Variants in TOGARAM2 observed in about 807,000 individuals in gnomAD.
The protein encoded by TOGARAM2 is TOG array regulator of axonemal microtubules protein 2.
In TOGARAM2, 85 loss-of-function variants were observed where a neutral mutation model predicts 93.3. The ratio of observed to expected loss-of-function variants is 0.91; its 90% CI spans 0.76 to 1.09. The LOEUF (loss-of-function observed/expected upper bound fraction) is 1.09, where lower values mean the gene tolerates loss of function less well. TOGARAM2 is among the 50% of genes least tolerant of loss of function. TOGARAM2 has a pLI of 0.00. For missense variants in TOGARAM2, 1,277 were observed against 1,334.5 expected, an observed-to-expected ratio of 0.96 and a Z score of 0.67; for synonymous variants, 593 against 552.8, an observed-to-expected ratio of 1.07 and a Z score of -1.02.
Position 29,026,850 on chromosome 2 carries a change from C to A in TOGARAM2, c.1854-3C>A. The A allele has an allele frequency of 1.3e-6, 2 of 1,581,296 alleles. No homozygotes were observed. The highest frequency in any genetic ancestry group is 1.7e-6 in the Non-Finnish European group (2 of 1,161,548). ...TGACCCCTGGGCCATGATTTCCTTT[C>A]AGCCACCGGAACCCCTTGATCCGGA... On this transcript the variant is annotated splice_polypyrimidine_tract_variant and splice_region_variant and intron_variant, in intron 13 of 19. Coordinates refer to ENST00000379558, the MANE Select transcript of TOGARAM2 (RefSeq NM_199280.4).
intron 5 of TOGARAM2, 107 bp downstream of exon 5, chr2:29,002,854 C>G (rs1673389912): frequency 1.7e-5 from 18 of 1,086,552 alleles, no homozygotes; most frequent in Non-Finnish European, 2.3e-5. Flanking sequence ...CCCTGAGCAT[C>G]CCTGGAGGTG....
chr2:29,037,582 C>T (rs1279190343), intron 18 of TOGARAM2, among the ~76,000 whole-genome samples: 2 of 152,148 alleles, frequency 1.3e-5, no homozygotes, highest in Non-Finnish European at 2.9e-5. Flanking sequence ...TCCCCCTCCC[C>T]CCGACCCCAC....
At position 29,052,032 on chromosome 2, in the gene TOGARAM2, A is replaced by ACAGAGGGGTGGC. The variant is rs200117890; in HGVS notation, c.3001_3012dup (p.Arg1001_Ala1004dup). 3.4e-3 allele frequency: 5,514 copies of ACAGAGGGGTGGC among 1,611,106 alleles called. 77 individuals carry two copies. The African/African-American group carries it at 0.038, about 11-fold the overall frequency. The stretch of plus-strand genomic sequence containing the variant: ...TTGGGAGGCAGCCGCAAGGCCACTG[A>ACAGAGGGGTGGC]CAGAGGGGTGGCCCCTGACAGCAAG... On this transcript the variant is annotated inframe_insertion, in exon 20 of 20. Transcript: ENST00000379558.
Position 29,018,058 on chromosome 2 carries a change from C to A in TOGARAM2, c.1360+102C>A. ...TGACCTCGGTGGCTTTGCTTCCGCC[C>A]CTTGTCCATGTTAGACCAGGAGGCA... On this transcript the variant is annotated intron_variant, in intron 10 of 19. Transcript: ENST00000379558. 3 of 1,348,564 alleles carry A rather than the reference C, an allele frequency of 2.2e-6. No homozygotes were observed. In the South Asian group the frequency reaches 4.5e-5, roughly 20 times the overall value. The allele number at this position is 1,348,564 out of a possible 1,614,324, so 83.5% of individuals were successfully genotyped here.
At chr2:28,992,798 G>A (rs1482183268) in intron 1 of TOGARAM2, among the ~76,000 whole-genome samples, 2 of 152,218 alleles carry the variant, frequency 1.3e-5, no homozygotes, top group African/African-American at 2.4e-5. Context: ...GGTGGCTCAT[G>A]CCTGTAATCC....
rs780895717 is a variant in TOGARAM2, at chr2:29,002,526, C to T, written c.428-10C>T. 7 of 1,611,106 alleles carry T rather than the reference C, an allele frequency of 4.3e-6. No individual in the cohort carries two copies. The highest frequency in any genetic ancestry group is 1.8e-4 in the Middle Eastern group (1 of 5,474). On this transcript the variant is annotated splice_polypyrimidine_tract_variant and intron_variant, in intron 4 of 19. Coordinates refer to ENST00000379558, the MANE Select transcript of TOGARAM2 (RefSeq NM_199280.4). ...GGACTAACTGATTTCCCATCCCCAT[C>T]CCTGTACAGCCTCTCTGGATCCAGG... is the stretch of plus-strand genomic sequence containing the variant.
intron 2 of TOGARAM2, 80 bp from the exon 3 acceptor site, chr2:28,998,063 C>T (rs1673083094): frequency 1.3e-5 from 13 of 995,880 alleles, no homozygotes; most frequent in Middle Eastern, 3.1e-4. Context: ...CTCAGGGTTA[C>T]GGCCGGGTGT....
At chr2:28,969,230 G>T (rs1044632937) in intron 1 of TOGARAM2, among the ~76,000 whole-genome samples, 5 of 152,254 alleles carry the variant, frequency 3.3e-5, no homozygotes, top group African/African-American at 9.6e-5. Flanking sequence ...CTGGGGGATT[G>T]AAATTTGCCA....
chr2:29,016,124 A>G (rs548839037), intron 8 of TOGARAM2, among the ~76,000 whole-genome samples: 32 of 152,198 alleles, frequency 2.1e-4, no homozygotes, highest in African/African-American at 7.5e-4. Context: ...CTCTCTCCCC[A>G]GGGGCCCACT....
In TOGARAM2 at chr2:29,033,194, T is replaced by G. The variant is rs965697434; in HGVS notation, c.2130+143T>G. On this transcript the variant is annotated intron_variant, in intron 15 of 19. Transcript: ENST00000379558. ...CATCCACTACTCCTGATAGGTGAGA[T>G]AGATGTGATTTCTGTCCTCTGTGCT... 4.1e-6 allele frequency: 3 copies of G among 728,300 alleles called. No individual in the cohort carries two copies. In the African/African-American group the frequency reaches 5.3e-5, roughly 13 times the overall value. 45.1% of individuals were successfully genotyped at this position (728,300 alleles called of 1,614,324 possible). A position where few individuals can be genotyped will look rare whatever the true frequency, so the allele number is the denominator to read the frequency against.
At chr2:29,013,561 G>A (rs984941713) in intron 7 of TOGARAM2, among the ~76,000 whole-genome samples, 3 of 152,192 alleles carry the variant, frequency 2.0e-5, no homozygotes, top group African/African-American at 7.2e-5. Context: ...ACTGGTGCAA[G>A]TCTCAGAGTC....
intron 1 of TOGARAM2, among the ~76,000 whole-genome samples, chr2:28,988,237 A>G (rs966190686): frequency 1.1e-4 from 17 of 152,204 alleles, no homozygotes; most frequent in Non-Finnish European, 1.9e-4. Context: ...GGGAGAGGAA[A>G]GGAAAGGAAT....
chr2:28,984,950 C>A (rs1348730960), intron 1 of TOGARAM2, among the ~76,000 whole-genome samples: 1 of 152,242 alleles, frequency 6.6e-6, no homozygotes, highest in Non-Finnish European at 1.5e-5. Flanking sequence ...GCCTTGCCAG[C>A]TGGCAGCCAG....
intron 1 of TOGARAM2, among the ~76,000 whole-genome samples, chr2:28,975,975 A>G (rs926260560): frequency 1.3e-4 from 18 of 140,266 alleles, no homozygotes; most frequent in Admixed American, 2.9e-4. Context: ...AGGAATATGT[A>G]CATATTATAA....
intron 17 of TOGARAM2, among the ~76,000 whole-genome samples, chr2:29,036,191 C>A (rs1276591582): frequency 6.6e-6 from 1 of 152,132 alleles, no homozygotes; most frequent in Non-Finnish European, 1.5e-5. Flanking sequence ...TCAGGCAAAT[C>A]ATTGAACCTC....
intron 1 of TOGARAM2, among the ~76,000 whole-genome samples, chr2:28,988,955 C>A (rs997549541): frequency 6.6e-6 from 1 of 152,342 alleles, no homozygotes; most frequent in African/African-American, 2.4e-5. Flanking sequence ...CTTGATCAGA[C>A]CCCCTTAGGG....
chr2:28,978,415 T>C (rs1304452997), upstream of TOGARAM2, among the ~76,000 whole-genome samples: 2 of 152,140 alleles, frequency 1.3e-5, no homozygotes, highest in Admixed American at 6.5e-5. Flanking sequence ...TCATTTGCAA[T>C]GGGAAGTGTG....
chr2:29,014,724 G>A (rs563767786), intron 8 of TOGARAM2, among the ~76,000 whole-genome samples, 163 bp downstream of exon 8: 37 of 152,300 alleles, frequency 2.4e-4, no homozygotes, highest in African/African-American at 7.7e-4. Flanking sequence ...ACCTGCAGAC[G>A]GGGTTGGGGT....
intron 2 of TOGARAM2, among the ~76,000 whole-genome samples, chr2:28,997,167 G>A (rs1173207595): frequency 2.0e-5 from 3 of 152,228 alleles, no homozygotes; most frequent in African/African-American, 7.2e-5. Context: ...TCAATAGAGT[G>A]AAGAATAGGA....
Sources: gnomAD v4.1 joint callset for allele counts (sites outside exome capture counted in the v4.1 genomes callset) on GRCh38, gnomAD v4.1.1 for gene constraint, MANE v1.5 for transcripts, NCBI Gene and HGNC (gene_info 2026-07-23, HGNC 2026-07-21) for gene names.